Variants in FKBP4 observed in about 807,000 individuals in gnomAD.
FKBP4 encodes the protein peptidyl-prolyl cis-trans isomerase FKBP4.
Under a neutral mutation model 54.1 loss-of-function variants are expected in FKBP4, and 28 were observed. That is an observed-to-expected ratio of 0.52 (90% CI 0.38 to 0.71). The LOEUF is 0.71. Among genes scored for constraint, FKBP4 ranks in the 30% least tolerant of loss-of-function variants. The pLI is 0.00. For synonymous variants in FKBP4, 223 were observed against 216.1 expected (o/e 1.03, Z -0.28); for missense variants, 493 against 574.4 (o/e 0.86, Z 1.45).
At position 2,804,022 on chromosome 12, in the gene FKBP4, A is replaced by G. The variant is rs1397457981; in HGVS notation, c.*764A>G. The G allele has an allele frequency of 6.6e-6, 1 of 151,810 alleles. No individual in the cohort carries two copies. The highest frequency in any genetic ancestry group is 1.5e-5 in the Non-Finnish European group (1 of 68,006). 9.4% of individuals were successfully genotyped at this position (151,810 alleles called of 1,614,324 possible). A position where few individuals can be genotyped will look rare whatever the true frequency, so the allele number is the denominator to read the frequency against. On this transcript the variant is annotated 3_prime_UTR_variant, in exon 10 of 10. Transcript: ENST00000001008. Reference sequence around the variant, plus strand: ...GTACATAATGGGTAGTAGCACAATCAAGGGGTCACCCACTTAGTTCCAGTT... The same window carrying G: ...GTACATAATGGGTAGTAGCACAATCGAGGGGTCACCCACTTAGTTCCAGTT...
intron 1 of FKBP4, chr12:2,796,060 T>C: frequency 8.5e-7 from 1 of 1,182,654 alleles, no homozygotes; most frequent in African/African-American, 1.6e-5. Flanking sequence ...GGAGGGCATC[T>C]TGACCTGGGC....
chr12:2,803,054 G>A, intron 9 of FKBP4, 97 bp from the exon 10 acceptor site: 1 of 870,514 alleles, frequency 1.1e-6, no homozygotes, highest in Non-Finnish European at 1.9e-6. Flanking sequence ...TAGGACAGAT[G>A]TAGGAGAATG....
rs1255109500 is a variant in FKBP4 at position 2,798,002 on chromosome 12, G to C, written c.393+131G>C. ...GGCTGAGGGTCTGGCCTTATGGGAG[G>C]AGAAATGCAGAGGGCTCTGCTGCTG... On this transcript the variant is annotated intron_variant, in intron 3 of 9. Transcript: ENST00000001008. This position sits in a 1 kb window ranked among gnomAD's most constrained non-coding sequence, Gnocchi z 4.3. 1.0e-5 allele frequency: 11 copies of C among 1,088,424 alleles called. No individual in the cohort carries two copies. The highest frequency in any genetic ancestry group is 1.6e-5 in the African/African-American group (1 of 63,400). The allele number at this position is 1,088,424 out of a possible 1,614,324, so 67.4% of individuals were successfully genotyped here.
chr12:2,800,658 T>C, intron 8 of FKBP4, 81 bp downstream of exon 8: 4 of 1,383,996 alleles, frequency 2.9e-6, no homozygotes, highest in Non-Finnish European at 3.9e-6. Flanking sequence ...AACTTCCCCT[T>C]GGTGACTAGG....
chr12:2,801,543 C>A (rs988279993), intron 9 of FKBP4, 187 bp downstream of exon 9: 1 of 784,060 alleles, frequency 1.3e-6, no homozygotes, highest in Non-Finnish European at 2.1e-6. Flanking sequence ...GGGAAACCTA[C>A]CCACAAGCCC....
chr12:2,796,957 A>G, intron 1 of FKBP4, 181 bp from the exon 2 acceptor site: 1 of 1,386,796 alleles, frequency 7.2e-7, no homozygotes, highest in Non-Finnish European at 9.3e-7. Context: ...CTCAAGAAAG[A>G]CAAGAAGGTT....
chr12:2,802,251 C>T (rs1448268156), intron 9 of FKBP4, among the ~76,000 whole-genome samples: 1 of 152,118 alleles, frequency 6.6e-6, no homozygotes, highest in African/African-American at 2.4e-5. Flanking sequence ...GATTCTCCTG[C>T]CTCGGCCTCC....
At position 2,804,301 on chromosome 12, in the gene FKBP4, G is replaced by A. The variant is rs958974127; in HGVS notation, c.*1043G>A. ...CACCATGCATGTTCATTTTGAAGTTGGAATTGGTCTTCTGCCTACCTCTGA... is the reference window on the plus strand; with the variant it reads ...CACCATGCATGTTCATTTTGAAGTTAGAATTGGTCTTCTGCCTACCTCTGA... On this transcript the variant is annotated 3_prime_UTR_variant, in exon 10 of 10. Coordinates refer to ENST00000001008, the MANE Select transcript of FKBP4 (RefSeq NM_002014.4). 4 of 152,194 alleles carry A rather than the reference G, an allele frequency of 2.6e-5. No individual in the cohort carries two copies. Among genetic ancestry groups the A allele is most frequent in the Non-Finnish European group, 5.9e-5 (4 of 68,034 alleles). 9.4% of individuals were successfully genotyped at this position (152,194 alleles called of 1,614,324 possible). A position where few individuals can be genotyped will look rare whatever the true frequency, so the allele number is the denominator to read the frequency against.
chr12:2,802,467 A>C lies in FKBP4; in HGVS notation c.1273-684A>C, dbSNP rs540990909. Among the ~76,000 whole-genome samples the C allele has an allele frequency of 3.3e-5, 5 of 152,348 alleles. No individual in the cohort carries two copies. The South Asian group carries it at 1.0e-3, about 32-fold the overall frequency. ...ACAGTGTTCTAAACCAGCACTGTCC[A>C]GTAGAAATACAGTATCAACCACATG... On this transcript the variant is annotated intron_variant, in intron 9 of 9. Transcript: ENST00000001008.
chr12:2,802,001 G>A lies in FKBP4; in HGVS notation c.1272+645G>A, dbSNP rs548945089. 5.3e-5 allele frequency among the ~76,000 whole-genome samples: 8 copies of A among 152,130 alleles called. No individual in the cohort carries two copies. The South Asian group carries it at 1.0e-3, about 20-fold the overall frequency. ...TTGGCGCATACTATGCTTTTTTCACGTAATAGTAGCTGGAGGCTTATTTTA... is the reference window on the plus strand; with the variant it reads ...TTGGCGCATACTATGCTTTTTTCACATAATAGTAGCTGGAGGCTTATTTTA... On this transcript the variant is annotated intron_variant, in intron 9 of 9. Transcript: ENST00000001008.
intron 8 of FKBP4, 66 bp from the exon 9 acceptor site, chr12:2,801,051 A>G: frequency 6.3e-7 from 1 of 1,592,214 alleles, no homozygotes; most frequent in Non-Finnish European, 8.6e-7. Context: ...TTTGGAACCC[A>G]GTCTAGGCCA....
chr12:2,802,219 A>C (rs1303194433), intron 9 of FKBP4, among the ~76,000 whole-genome samples: 3 of 150,954 alleles, frequency 2.0e-5, no homozygotes, highest in Admixed American at 1.3e-4. Context: ...CTCACTGCAA[A>C]CTCCACCTCC....
At position 2,805,253 on chromosome 12, in the gene FKBP4, T is replaced by A; in HGVS notation, c.*1995T>A. The A allele has an allele frequency of 2.2e-6, 1 of 451,654 alleles. No homozygotes were observed. Among genetic ancestry groups the A allele is most frequent in the South Asian group, 1.6e-5 (1 of 63,626 alleles). 28.0% of individuals were successfully genotyped at this position (451,654 alleles called of 1,614,324 possible). On this transcript the variant is annotated 3_prime_UTR_variant, in exon 10 of 10. Coordinates refer to ENST00000001008, the MANE Select transcript of FKBP4 (RefSeq NM_002014.4). ...TCTCCCATGAGGTTCCTTTGGCAAGTCCTGGGCTTCTGTCCTCATCTGCAA... is the reference window on the plus strand; with the variant it reads ...TCTCCCATGAGGTTCCTTTGGCAAGACCTGGGCTTCTGTCCTCATCTGCAA...
chr12:2,799,311 G>A, intron 5 of FKBP4, 67 bp downstream of exon 5: 17 of 1,438,958 alleles, frequency 1.2e-5, no homozygotes, highest in Non-Finnish European at 1.5e-5. Context: ...AAAATGAATT[G>A]TAGAACCAGC....
chr12:2,801,158 C>T lies in FKBP4; in HGVS notation c.1074C>T (p.Arg358=). 6.2e-7 allele frequency: 1 copy of T among 1,613,768 alleles called. No homozygotes were observed. The change falls in exon 9 of 10, where the codon CGC becomes CGT. Residue 358 remains arginine, a synonymous_variant. Coordinates refer to ENST00000001008, the MANE Select transcript of FKBP4 (RefSeq NM_002014.4). ...GCAACAACGAGAAGGGCCTCTTCCG[C>T]CGGGGAGAGGCCCACCTGGCCGTGA... ...LDSNNEKGLF[R]RGEAHLAVND...
chr12:2,800,100 A>G lies in FKBP4; in HGVS notation c.824A>G (p.Glu275Gly), dbSNP rs1341405720. ...CTGGAACAGAGCACCATAGTGAAAG[A>G]GCGGGGCACTGTGTACTTCAAGGTG... The part of the protein sequence containing the change: ...EKLEQSTIVK[E>G]RGTVYFKEGK... The change falls in exon 7 of 10, where the codon GAG becomes GGG. Residue 275 changes from glutamate (E) to glycine (G), a missense_variant. Transcript: ENST00000001008. 8 of 1,613,556 alleles carry G rather than the reference A, an allele frequency of 5.0e-6. 1 individual carries two copies. The highest frequency in any genetic ancestry group is 2.2e-5 in the East Asian group (1 of 44,886).
rs370885732 is a variant in FKBP4 at position 2,797,859 on chromosome 12, G to A, written c.381G>A (p.Thr127=). ...GSPPKIPPNA[T]LVFEVELFEF... ...CTCCAAAGATTCCCCCCAATGCCAC[G>A]CTTGTATTTGAGGTGAGTGTTTGGT... Residue 127 remains threonine (T), a synonymous_variant, in exon 3 of 10, where the codon ACG becomes ACA. Transcript: ENST00000001008. 9.3e-6 allele frequency: 15 copies of A among 1,613,396 alleles called. No individual in the cohort carries two copies. The highest frequency in any genetic ancestry group is 6.7e-5 in the Admixed American group (4 of 59,942).
intron 1 of FKBP4, chr12:2,796,419 C>T (rs1273795560): frequency 3.9e-6 from 5 of 1,282,838 alleles, no homozygotes; most frequent in Non-Finnish European, 5.1e-6. Flanking sequence ...TACCTTTCTA[C>T]TCCTCAAAGC....
chr12:2,799,392 T>G, intron 5 of FKBP4, 148 bp downstream of exon 5: 3 of 844,234 alleles, frequency 3.6e-6, no homozygotes, highest in Non-Finnish European at 3.4e-6. Context: ...TACTTAGAAG[T>G]ATGGCCCAAT....
Sources: gnomAD v4.1 joint callset for allele counts (sites outside exome capture counted in the v4.1 genomes callset) on GRCh38, gnomAD v4.1.1 for gene constraint, Gnocchi (gnomAD v3.1) non-coding constraint, MANE v1.5 for transcripts, NCBI Gene and HGNC (gene_info 2026-07-23, HGNC 2026-07-21) for gene names.